The following GSK3B variants were observed in gnomAD, a reference collection of about 807,000 sequenced individuals.
GSK3B encodes the protein glycogen synthase kinase-3 beta.
Under a neutral mutation model 56.4 loss-of-function variants are expected in GSK3B, and 15 were observed. The observed-to-expected ratio is 0.27, with a 90% CI of 0.18 to 0.41. The LOEUF is 0.41. Among genes scored for constraint, GSK3B ranks in the 10% least tolerant of loss-of-function variants. GSK3B has a pLI of 1.00. For missense variants in GSK3B, 300 were observed against 513.4 expected (o/e 0.58, Z 4.02); for synonymous variants, 181 against 188.9 (o/e 0.96, Z 0.34).
chr3:120,007,883 C>T (rs1456736166), intron 1 of GSK3B, among the ~76,000 whole-genome samples: 1 of 152,188 alleles, frequency 6.6e-6, no homozygotes, highest in Non-Finnish European at 1.5e-5. Flanking sequence ...TCTCTCATCC[C>T]TCCTAGTCAA....
At chr3:120,026,209 G>A (rs1431073499) in intron 1 of GSK3B, among the ~76,000 whole-genome samples, 2 of 152,158 alleles carry the variant, frequency 1.3e-5, no homozygotes, top group African/African-American at 2.4e-5. Context: ...TCTCAAACAC[G>A]ATTTTCTAAA....
At chr3:119,859,964 A>C (rs1221228339) in intron 9 of GSK3B, among the ~76,000 whole-genome samples, 1 of 152,224 alleles carries the variant, frequency 6.6e-6, no homozygotes, top group Non-Finnish European at 1.5e-5. Context: ...GTGGTAGAGG[A>C]ATAGAATGTT....
At position 119,940,110 on chromosome 3, in the gene GSK3B, T is replaced by TTGTGTGTGTG. The variant is rs56939160; in HGVS notation, c.366+7148_366+7157dup. ...CAGTAACAAAAGTGTGTGTGTGTGT[T>TTGTGTGTGTG]TGTGTGTGTGTGTGTGTGTGTGTAT... On this transcript the variant is annotated intron_variant, in intron 3 of 10. Transcript: ENST00000264235. Among the ~76,000 whole-genome samples, 818 of 149,044 alleles carry TTGTGTGTGTG rather than the reference T, an allele frequency of 5.5e-3. 8 individuals are homozygous for TTGTGTGTGTG. The highest frequency in any genetic ancestry group is 0.019 in the African/African-American group (792 of 40,860).
At chr3:120,057,349 A>T (rs2058199636) in intron 1 of GSK3B, among the ~76,000 whole-genome samples, 1 of 152,224 alleles carries the variant, frequency 6.6e-6, no homozygotes, top group Admixed American at 6.5e-5. Context: ...AAGGCAATTC[A>T]GCAAAATGGG....
intron 2 of GSK3B, among the ~76,000 whole-genome samples, chr3:119,999,545 A>G (rs2057655518): frequency 6.6e-6 from 1 of 152,244 alleles, no homozygotes; most frequent in African/African-American, 2.4e-5. Flanking sequence ...ATTAACTACC[A>G]ATCCCAAAAA....
rs183540008 is a variant in GSK3B, at chr3:119,990,811, C to G, written c.282+11235G>C. 2.7e-3 allele frequency among the ~76,000 whole-genome samples: 405 copies of G among 152,244 alleles called. 3 individuals are homozygous for G. The highest frequency in any genetic ancestry group is 4.5e-3 in the Non-Finnish European group (307 of 68,030). ...GGAGTAGTGGCGCATGCCTGCAAGC[C>G]CAGCTACTTGGGAAGCTGAGGCAGG... On this transcript the variant is annotated intron_variant, in intron 2 of 10. Coordinates refer to ENST00000264235, the MANE Select transcript of GSK3B (RefSeq NM_001146156.2).
At chr3:120,076,001 G>C (rs988429249) in intron 1 of GSK3B, among the ~76,000 whole-genome samples, 27 of 151,524 alleles carry the variant, frequency 1.8e-4, no homozygotes, top group Admixed American at 1.8e-3. Flanking sequence ...AATCAAAATA[G>C]TTTAGTACTG....
chr3:119,931,056 C>T (rs1233537458), intron 3 of GSK3B, among the ~76,000 whole-genome samples: 2 of 152,180 alleles, frequency 1.3e-5, no homozygotes, highest in African/African-American at 2.4e-5. Context: ...GGAATAACCC[C>T]GAGGGGACAG....
chr3:119,889,637 G>A (rs903005424), intron 7 of GSK3B, among the ~76,000 whole-genome samples: 1 of 152,078 alleles, frequency 6.6e-6, no homozygotes, highest in African/African-American at 2.4e-5. Context: ...GAAAAACAGA[G>A]CAAAGGAAAG....
chr3:119,953,713 C>T (rs1215549310), intron 2 of GSK3B, among the ~76,000 whole-genome samples: 1 of 152,132 alleles, frequency 6.6e-6, no homozygotes, highest in East Asian at 1.9e-4. Context: ...CAATTCTAAA[C>T]CAATTATATT....
At chr3:119,926,267 C>T (rs2056887750) in intron 3 of GSK3B, among the ~76,000 whole-genome samples, 1 of 151,876 alleles carries the variant, frequency 6.6e-6, no homozygotes, top group Non-Finnish European at 1.5e-5. Context: ...TCTGGTATTG[C>T]TCTGGCTGAA....
At chr3:119,930,967 C>A (rs958123789) in intron 3 of GSK3B, among the ~76,000 whole-genome samples, 1 of 152,166 alleles carries the variant, frequency 6.6e-6, no homozygotes, top group Non-Finnish European at 1.5e-5. Flanking sequence ...TAATTTACTA[C>A]ACTATGAGAA....
intron 1 of GSK3B, among the ~76,000 whole-genome samples, chr3:120,067,556 C>A (rs2058290902): frequency 6.6e-6 from 1 of 152,190 alleles, no homozygotes; most frequent in East Asian, 1.9e-4. Flanking sequence ...ACAGCTTCTA[C>A]TGAATGCATA....
chr3:120,011,135 A>G (rs1213855491), intron 1 of GSK3B, among the ~76,000 whole-genome samples: 1 of 152,130 alleles, frequency 6.6e-6, no homozygotes. Context: ...GAAAACAAAA[A>G]CTGTCTGGGG....
chr3:120,010,733 G>C (rs1367914194), intron 1 of GSK3B, among the ~76,000 whole-genome samples: 1 of 151,940 alleles, frequency 6.6e-6, no homozygotes. Flanking sequence ...TTTTGGCCTG[G>C]GTGACAAAGG....
At chr3:119,863,369 A>C (rs950905893) in intron 9 of GSK3B, 50 bp downstream of exon 9, 1 of 1,389,868 alleles carries the variant, frequency 7.2e-7, no homozygotes, top group Non-Finnish European at 1.0e-6. Context: ...TTTCACACCC[A>C]GGGTGTAGCT....
rs185558853 is a variant in GSK3B, at chr3:119,888,890, C to T, written c.814-12382G>A. On this transcript the variant is annotated intron_variant, in intron 7 of 10. Coordinates refer to ENST00000264235, the MANE Select transcript of GSK3B (RefSeq NM_001146156.2). ...TAAGGACTGAAATCCGCCCTGGTCT[C>T]CTGCAGTACCCTCAGGCTTAGCAGG... 1.0e-3 allele frequency among the ~76,000 whole-genome samples: 159 copies of T among 152,152 alleles called. 1 individual carries two copies. Among genetic ancestry groups the T allele is most frequent in the Admixed American group, 5.8e-3 (89 of 15,276 alleles).
At chr3:119,916,321 G>T in intron 4 of GSK3B, 147 bp from the exon 5 acceptor site, 1 of 615,110 alleles carries the variant, frequency 1.6e-6, no homozygotes, top group Non-Finnish European at 2.8e-6. Context: ...CACAAGTTTT[G>T]TGTCACTTCT....
At chr3:120,074,041 AC>A (rs1167758732) in intron 1 of GSK3B, among the ~76,000 whole-genome samples, 1 of 152,202 alleles carries the variant, frequency 6.6e-6, no homozygotes, top group Non-Finnish European at 1.5e-5. Context: ...GCCGCTGCTC[AC>A]GACTGTAATC....
Sources: gnomAD v4.1 joint callset for allele counts (sites outside exome capture counted in the v4.1 genomes callset) on GRCh38, gnomAD v4.1.1 for gene constraint, MANE v1.5 for transcripts, NCBI Gene and HGNC (gene_info 2026-07-23, HGNC 2026-07-21) for gene names.